LRRTM4: variants seen among roughly 807,000 people sequenced by gnomAD.
The protein encoded by LRRTM4 is leucine rich repeat transmembrane neuronal 4.
Under a neutral mutation model 47.6 loss-of-function variants are expected in LRRTM4, and 25 were observed. The ratio of observed to expected loss-of-function variants is 0.53; its 90% confidence interval spans 0.38 to 0.73. LRRTM4 has a LOEUF of 0.73. LRRTM4 is among the 30% of genes least tolerant of loss of function. LRRTM4 has a pLI of 0.00. For synonymous variants in LRRTM4, 311 were observed against 269.5 expected (o/e 1.15, Z -1.51); for missense variants, 638 against 713.4 (o/e 0.89, Z 1.20).
chr2:77,273,765 C>G (rs1193459313), intron 3 of LRRTM4, among the ~76,000 whole-genome samples: 1 of 151,976 alleles, frequency 6.6e-6, no homozygotes, highest in Non-Finnish European at 1.5e-5. Flanking sequence ...ATTTTTGACG[C>G]CATTTAGAAA....
chr2:77,207,372 T>TATATATATATACACACAC lies in LRRTM4; in HGVS notation c.1551+310945_1551+310946insGTGTGTGTATATATATAT, dbSNP rs59335400. On this transcript the variant is annotated intron_variant, in intron 3 of 3. Coordinates refer to ENST00000409884, the MANE Select transcript of LRRTM4 (RefSeq NM_001134745.3). Reference sequence around the variant, plus strand: ...GTGTATATATATATATATATATATATACACACACACATATTTATATACACA... The same window carrying TATATATATATACACACAC: ...GTGTATATATATATATATATATATATATATATATATACACACACACACACACACATATTTATATACACA... 2.8e-3 allele frequency among the ~76,000 whole-genome samples: 373 copies of TATATATATATACACACAC among 131,002 alleles called. 3 individuals carry two copies. Among genetic ancestry groups the TATATATATATACACACAC allele is most frequent in the South Asian group, 0.017 (68 of 4,004 alleles). The allele number at this position is 131,002 out of a possible 152,430, so 85.9% of individuals were successfully genotyped here.
At chr2:76,783,620 G>A (rs1674512613) in intron 3 of LRRTM4, among the ~76,000 whole-genome samples, 1 of 151,960 alleles carries the variant, frequency 6.6e-6, no homozygotes, top group Non-Finnish European at 1.5e-5. Context: ...AAGTTTCTCT[G>A]AAACTAAACA....
chr2:77,221,043 C>T (rs1322416696), intron 3 of LRRTM4, among the ~76,000 whole-genome samples: 1 of 152,098 alleles, frequency 6.6e-6, no homozygotes, highest in Non-Finnish European at 1.5e-5. Context: ...AGAGTGGGGG[C>T]CAATATTCAA....
chr2:76,903,910 C>A (rs1330341217), intron 3 of LRRTM4, among the ~76,000 whole-genome samples: 1 of 152,176 alleles, frequency 6.6e-6, no homozygotes, highest in Non-Finnish European at 1.5e-5. Flanking sequence ...TATTCACTAA[C>A]AACTTAAGTG....
intron 3 of LRRTM4, among the ~76,000 whole-genome samples, chr2:76,997,876 A>G (rs1677257920): frequency 1.3e-5 from 2 of 151,942 alleles, no homozygotes; most frequent in African/African-American, 4.8e-5. Context: ...AGATTCTCAA[A>G]GAAGCATGAA....
chr2:76,917,955 A>G (rs1255156248), intron 3 of LRRTM4, among the ~76,000 whole-genome samples: 1 of 152,120 alleles, frequency 6.6e-6, no homozygotes, highest in Non-Finnish European at 1.5e-5. Flanking sequence ...GCTTCCAAAT[A>G]TCTTCTATCT....
intron 3 of LRRTM4, among the ~76,000 whole-genome samples, chr2:77,036,079 A>G (rs1247647805): frequency 6.6e-6 from 1 of 151,864 alleles, no homozygotes; most frequent in Non-Finnish European, 1.5e-5. Context: ...ATACAAATTG[A>G]TAACTTATGC....
intron 3 of LRRTM4, among the ~76,000 whole-genome samples, chr2:76,818,861 A>G (rs961526314): frequency 1.3e-5 from 2 of 151,794 alleles, no homozygotes; most frequent in African/African-American, 2.4e-5. Flanking sequence ...TAAACTTTAA[A>G]GGTTAAAAGT....
chr2:77,482,645 TTTTC>T (rs1160221508), intron 3 of LRRTM4, among the ~76,000 whole-genome samples: 1 of 152,154 alleles, frequency 6.6e-6, no homozygotes, highest in Non-Finnish European at 1.5e-5. Context: ...TGAAAAAATA[TTTTC>T]TTTATCTGTA....
chr2:76,872,255 T>C (rs1672644444), intron 3 of LRRTM4, among the ~76,000 whole-genome samples: 1 of 152,086 alleles, frequency 6.6e-6, no homozygotes, highest in South Asian at 2.1e-4. Flanking sequence ...AAAATCAGAA[T>C]CATGAAATCC....
chr2:77,421,330 T>A (rs141929109), intron 3 of LRRTM4, among the ~76,000 whole-genome samples: 38 of 152,338 alleles, frequency 2.5e-4, no homozygotes, highest in African/African-American at 7.9e-4. Context: ...TGGGTTTTTT[T>A]ATCTTTGCCC....
At chr2:77,111,981 G>A (rs1383214902) in intron 3 of LRRTM4, among the ~76,000 whole-genome samples, 1 of 152,174 alleles carries the variant, frequency 6.6e-6, no homozygotes, top group East Asian at 1.9e-4. Flanking sequence ...TGGGGGTTGT[G>A]AAAAGTAGCC....
intron 3 of LRRTM4, among the ~76,000 whole-genome samples, chr2:77,002,764 T>C (rs750146156): frequency 3.9e-5 from 6 of 152,162 alleles, no homozygotes; most frequent in Non-Finnish European, 5.9e-5. Flanking sequence ...ATCATTTAGG[T>C]CTCTGCTTAA....
rs1336904005 is a variant in LRRTM4 at position 76,946,484 on chromosome 2, T to C, written c.1552-197568A>G. 4.0e-5 allele frequency among the ~76,000 whole-genome samples: 6 copies of C among 151,786 alleles called. No homozygotes were observed. In the East Asian group the frequency reaches 1.2e-3, roughly 29 times the overall value. ...CAGTACTCCGACTTGTGCTTGGAAA[T>C]GATGCTATAGACTAGATATAATATC... On this transcript the variant is annotated intron_variant, in intron 3 of 3. Transcript: ENST00000409884.
chr2:76,918,141 T>C (rs1674316502), intron 3 of LRRTM4, among the ~76,000 whole-genome samples: 1 of 152,162 alleles, frequency 6.6e-6, no homozygotes, highest in South Asian at 2.1e-4. Context: ...GTTAACAAAA[T>C]AAAGTACCAA....
At chr2:77,071,417 A>G (rs1680151892) in intron 3 of LRRTM4, among the ~76,000 whole-genome samples, 1 of 152,158 alleles carries the variant, frequency 6.6e-6, no homozygotes, top group Non-Finnish European at 1.5e-5. Flanking sequence ...AAAATTTATG[A>G]GTGATATAAA....
At position 76,872,546 on chromosome 2, in the gene LRRTM4, G is replaced by T. The variant is rs535659270; in HGVS notation, c.1552-123630C>A. Among the ~76,000 whole-genome samples, 15 of 151,962 alleles carry T rather than the reference G, an allele frequency of 9.9e-5. 1 individual carries two copies. In the South Asian group the frequency reaches 3.1e-3, roughly 32 times the overall value. ...TTCTGCAGGTCAGAGATGGCTTGCT[G>T]TTTTTGTCACTTACATAGCACTTAC... On this transcript the variant is annotated intron_variant, in intron 3 of 3. Transcript: ENST00000409884.
At chr2:77,349,858 A>C (rs1671694248) in intron 3 of LRRTM4, among the ~76,000 whole-genome samples, 1 of 152,126 alleles carries the variant, frequency 6.6e-6, no homozygotes, top group Non-Finnish European at 1.5e-5. Context: ...AGTGTTTTTA[A>C]AGCTAGCTAG....
chr2:76,966,483 A>G lies in LRRTM4; in HGVS notation c.1552-217567T>C, dbSNP rs141244325. On this transcript the variant is annotated intron_variant, in intron 3 of 3. Coordinates refer to ENST00000409884, the MANE Select transcript of LRRTM4 (RefSeq NM_001134745.3). The stretch of plus-strand genomic sequence containing the variant: ...AAACAAATATTGAATCCTTTTCAGA[A>G]AATTTCAAACATGCATAAGGCTCTT... Among the ~76,000 whole-genome samples the G allele has an allele frequency of 1.3e-3, 203 of 151,632 alleles. 3 individuals are homozygous for G. In the East Asian group the frequency reaches 0.036, roughly 27 times the overall value.
Sources: allele counts gnomAD v4.1 joint callset (sites outside exome capture counted in the v4.1 genomes callset), GRCh38; gene constraint gnomAD v4.1.1; transcripts MANE v1.5; gene names NCBI Gene and HGNC (gene_info 2026-07-23, HGNC 2026-07-21).